Variants in EPS15L1 observed in about 807,000 individuals in gnomAD.
EPS15L1 encodes epidermal growth factor receptor substrate 15-like 1.
In EPS15L1, 43 loss-of-function variants were observed where a neutral mutation model predicts 117.1. The ratio of observed to expected loss-of-function variants is 0.37; its 90% CI spans 0.29 to 0.47. EPS15L1 has a LOEUF of 0.47. Among genes scored for constraint, EPS15L1 ranks in the 20% least tolerant of loss-of-function variants. The pLI is 0.99. For synonymous variants in EPS15L1, 459 were observed against 470.5 expected, an observed-to-expected ratio of 0.98 and a Z score of 0.32; for missense variants, 981 against 1,164.0, an observed-to-expected ratio of 0.84 and a Z score of 2.29.
intron 12 of EPS15L1, among the ~76,000 whole-genome samples, chr19:16,416,535 G>T (rs2092759629): frequency 6.6e-6 from 1 of 151,512 alleles, no homozygotes; most frequent in African/African-American, 2.4e-5. Context: ...CTTCCTGGGA[G>T]GGTGAGTGGG....
intron 1 of EPS15L1, among the ~76,000 whole-genome samples, chr19:16,442,920 C>A (rs1024138297): frequency 6.6e-6 from 1 of 152,238 alleles, no homozygotes; most frequent in African/African-American, 2.4e-5. Flanking sequence ...AGAGGCCACA[C>A]CTGGATCCAG....
At chr19:16,401,787 C>T in intron 16 of EPS15L1, 2 of 985,834 alleles carry the variant, frequency 2.0e-6, no homozygotes. Context: ...TAAACATAAC[C>T]AAAATTTCAG....
chr19:16,451,246 C>T (rs980394242), intron 1 of EPS15L1, among the ~76,000 whole-genome samples: 4 of 151,992 alleles, frequency 2.6e-5, no homozygotes, highest in Non-Finnish European at 5.9e-5. Flanking sequence ...CCACCGCGCC[C>T]GCCCAGACTC....
chr19:16,386,122 G>A, intron 20 of EPS15L1, 49 bp downstream of exon 20: 1 of 1,433,176 alleles, frequency 7.0e-7, no homozygotes. Context: ...GGGGAGCTCT[G>A]CTACTGCCCA....
Position 16,471,017 on chromosome 19 carries a change from C to A in EPS15L1, c.33+896G>T, listed in dbSNP as rs1211360728. ...CGGGGCTGGAGCCAAGATTTGAACA[C>A]ATGATCTGACCCTGTGTCCTCACTC... On this transcript the variant is annotated intron_variant, in intron 1 of 23. Coordinates refer to ENST00000455140, the MANE Select transcript of EPS15L1 (RefSeq NM_001258374.3). This position sits in a 1 kb window ranked among gnomAD's most constrained non-coding sequence, Gnocchi z 4.8. Among the ~76,000 whole-genome samples the A allele has an allele frequency of 2.0e-5, 3 of 152,356 alleles. 1 individual carries two copies. The East Asian group carries it at 5.8e-4, about 29-fold the overall frequency.
intron 5 of EPS15L1, 58 bp downstream of exon 5, chr19:16,437,696 TACACACATGCACATAC>T: frequency 3.0e-6 from 3 of 1,011,504 alleles, no homozygotes; most frequent in African/African-American, 1.7e-5. Flanking sequence ...TACATGCACA[TACACACATGCACATAC>T]ACACACACAC....
At chr19:16,355,999 T>A in intron 23 of EPS15L1, 148 bp from the exon 24 acceptor site, 1 of 971,766 alleles carries the variant, frequency 1.0e-6, no homozygotes, top group Non-Finnish European at 1.5e-6. Flanking sequence ...ATGTCTTGGC[T>A]GGGCCCAGTG....
At chr19:16,368,121 C>T (rs1198520382) in intron 22 of EPS15L1, among the ~76,000 whole-genome samples, 2 of 152,064 alleles carry the variant, frequency 1.3e-5, no homozygotes, top group African/African-American at 4.8e-5. Context: ...AAATACAAAA[C>T]AAGGGTTTGT....
rs1162302779 is a variant in EPS15L1, at chr19:16,400,336, C to CAAAA, written c.1791+1981_1791+1984dup. Among the ~76,000 whole-genome samples, 242 of 60,666 alleles carry CAAAA rather than the reference C, an allele frequency of 4.0e-3. 4 individuals are homozygous for CAAAA. The highest frequency in any genetic ancestry group is 1.0e-2 in the East Asian group (18 of 1,808). The allele number at this position is 60,666 out of a possible 152,430, so 39.8% of individuals were successfully genotyped here. ...TGGGAGACAGAGCGAGACTCCGTCT[C>CAAAA]AAAAAAAAAAAAACAAAAACAAAAA... On this transcript the variant is annotated intron_variant, in intron 16 of 23. Coordinates refer to ENST00000455140, the MANE Select transcript of EPS15L1 (RefSeq NM_001258374.3).
At chr19:16,454,220 T>G (rs545452154) in intron 1 of EPS15L1, among the ~76,000 whole-genome samples, 5 of 152,336 alleles carry the variant, frequency 3.3e-5, no homozygotes, top group African/African-American at 1.2e-4. Context: ...TGAGTCTCCA[T>G]GGGACAGAAT....
intron 16 of EPS15L1, chr19:16,401,395 G>C: frequency 1.0e-6 from 1 of 985,358 alleles, no homozygotes; most frequent in Non-Finnish European, 1.2e-6. Flanking sequence ...TCTTATTCCA[G>C]GGAGGAAGAG....
intron 22 of EPS15L1, among the ~76,000 whole-genome samples, chr19:16,366,151 G>A (rs1201487129): frequency 2.0e-5 from 3 of 152,132 alleles, no homozygotes; most frequent in East Asian, 1.9e-4. Flanking sequence ...CCCAGGACAC[G>A]GTGTAGCCCC....
chr19:16,401,147 C>CTCAT, intron 16 of EPS15L1: 1 of 985,412 alleles, frequency 1.0e-6, no homozygotes, highest in South Asian at 4.7e-5. Context: ...TGGAAACCAC[C>CTCAT]TCATTACGAG....
intron 3 of EPS15L1, 166 bp from the exon 4 acceptor site, chr19:16,441,075 G>T (rs1442472840): frequency 2.8e-6 from 2 of 708,326 alleles, no homozygotes; most frequent in East Asian, 2.5e-5. Flanking sequence ...TGAATGATCT[G>T]CCCAGGGGCG....
intron 1 of EPS15L1, among the ~76,000 whole-genome samples, chr19:16,451,363 C>CCT (rs2093140416): frequency 6.6e-6 from 1 of 152,120 alleles, no homozygotes; most frequent in Non-Finnish European, 1.5e-5. Flanking sequence ...CATTTGCAGA[C>CCT]AATCAGGGAA....
chr19:16,456,748 C>A (rs1475842820), intron 1 of EPS15L1, among the ~76,000 whole-genome samples: 1 of 152,154 alleles, frequency 6.6e-6, no homozygotes, highest in African/African-American at 2.4e-5. Context: ...GACTATGGCA[C>A]AGGGGACCGC....
intron 1 of EPS15L1, among the ~76,000 whole-genome samples, chr19:16,443,741 G>A (rs1209700725): frequency 3.3e-5 from 5 of 151,536 alleles, no homozygotes; most frequent in South Asian, 2.1e-4. Flanking sequence ...AATAATGCCC[G>A]GATTATGGTC....
chr19:16,368,219 CACAT>C (rs758784318), intron 22 of EPS15L1, among the ~76,000 whole-genome samples: 31 of 152,322 alleles, frequency 2.0e-4, no homozygotes, highest in Admixed American at 1.0e-3. Flanking sequence ...ACTGTGGACA[CACAT>C]ACACAACCAT....
chr19:16,377,382 G>A, intron 21 of EPS15L1, 128 bp from the exon 22 acceptor site: 1 of 1,008,812 alleles, frequency 9.9e-7, no homozygotes, highest in Non-Finnish European at 1.5e-6. Context: ...TGCACAACAT[G>A]GCCCTGCTTG....
Sources: allele counts gnomAD v4.1 joint callset (sites outside exome capture counted in the v4.1 genomes callset), GRCh38; gene constraint gnomAD v4.1.1; non-coding constraint Gnocchi (gnomAD v3.1); transcripts MANE v1.5; gene names NCBI Gene and HGNC (gene_info 2026-07-23, HGNC 2026-07-21).